MRPL18: variants seen among roughly 807,000 people sequenced by gnomAD.
MRPL18 encodes mitochondrial ribosomal protein L18, also known as large ribosomal subunit protein uL18m.
In MRPL18, 16 loss-of-function variants were observed where a neutral mutation model predicts 20.9. The observed-to-expected ratio is 0.76, with a 90% CI of 0.52 to 1.16. The LOEUF (loss-of-function observed/expected upper bound fraction) is 1.16. MRPL18 is among the 50% of genes most tolerant of loss of function. MRPL18 has a pLI of 0.00. For synonymous variants in MRPL18, 91 were observed against 87.1 expected (o/e 1.04, Z -0.25); for missense variants, 233 against 230.6 (o/e 1.01, Z -0.07).
intron 2 of MRPL18, 68 bp downstream of exon 2, chr6:159,791,194 C>G: frequency 6.4e-7 from 1 of 1,559,964 alleles, no homozygotes; most frequent in Non-Finnish European, 8.7e-7. Context: ...CATTCAACTC[C>G]AGGCACTCTC....
chr6:159,790,488 A>G lies in MRPL18; in HGVS notation c.-100A>G. The G allele has an allele frequency of 6.6e-7, 1 of 1,522,110 alleles. No individual in the cohort carries two copies. The highest frequency in any genetic ancestry group is 9.1e-7 in the Non-Finnish European group (1 of 1,102,860). The allele number at this position is 1,522,110 out of a possible 1,614,324, so 94.3% of individuals were successfully genotyped here. A position where few individuals can be genotyped will look rare whatever the true frequency, so the allele number is the denominator to read the frequency against. ...CGTGGAGAGTTTGGGGATCTACAGC[A>G]GCCAAAGGCTTGTCCCTGACTTTAT... On this transcript the variant is annotated 5_prime_UTR_variant, in exon 1 of 4. Coordinates refer to ENST00000367034, the MANE Select transcript of MRPL18 (RefSeq NM_014161.5).
intron 2 of MRPL18, among the ~76,000 whole-genome samples, chr6:159,793,911 CAAAA>C (rs200962587): frequency 7.6e-6 from 1 of 132,284 alleles, no homozygotes; most frequent in Non-Finnish European, 1.6e-5. Flanking sequence ...GACTCCGTCT[CAAAA>C]AAAAAAAAAG....
At chr6:159,792,770 T>C (rs61333171) in intron 2 of MRPL18, among the ~76,000 whole-genome samples, 6,171 of 152,280 alleles carry the variant, frequency 0.041, 198 homozygotes, top group African/African-American at 0.079. Context: ...CCTGAGTGGC[T>C]GGGACTAGAG....
intron 2 of MRPL18, among the ~76,000 whole-genome samples, chr6:159,793,816 A>G (rs1352493873): frequency 2.0e-5 from 3 of 152,050 alleles, no homozygotes; most frequent in East Asian, 3.9e-4. Flanking sequence ...GGAGGCTGAG[A>G]CAGGAGAGTG....
chr6:159,798,179 C>A lies in MRPL18; in HGVS notation c.*56C>A. On this transcript the variant is annotated 3_prime_UTR_variant, in exon 4 of 4. Coordinates refer to ENST00000367034, the MANE Select transcript of MRPL18 (RefSeq NM_014161.5). ...ATATAAATCTGTCAGCCACTACAGCCATCAAAAGAGAGCATCTGGAAGAAC... is the reference window on the plus strand; with the variant it reads ...ATATAAATCTGTCAGCCACTACAGCAATCAAAAGAGAGCATCTGGAAGAAC... 1 of 1,420,226 alleles carries A rather than the reference C, an allele frequency of 7.0e-7. No individual in the cohort carries two copies. Among genetic ancestry groups the A allele is most frequent in the Non-Finnish European group, 9.8e-7 (1 of 1,018,124 alleles). 88.0% of individuals were successfully genotyped at this position (1,420,226 alleles called of 1,614,324 possible).
In MRPL18 at chr6:159,795,070, A is replaced by G. The variant is rs568846188; in HGVS notation, c.240-2217A>G. Among the ~76,000 whole-genome samples, 9 of 152,348 alleles carry G rather than the reference A, an allele frequency of 5.9e-5. No individual in the cohort carries two copies. In the East Asian group the frequency reaches 1.3e-3, roughly 23 times the overall value. On this transcript the variant is annotated intron_variant, in intron 2 of 3. Transcript: ENST00000367034. ...GATATGCATACACATAAACATCTCA[A>G]TGCTTTACAAAGCAGTATTGCTGCC...
chr6:159,794,712 G>A (rs1259096014), intron 2 of MRPL18, among the ~76,000 whole-genome samples: 1 of 152,144 alleles, frequency 6.6e-6, no homozygotes, highest in African/African-American at 2.4e-5. Flanking sequence ...CAGTCTGTTT[G>A]GATAATGCTT....
Position 159,790,510 on chromosome 6 carries a change from T to G in MRPL18, c.-78T>G, listed in dbSNP as rs1470556823. ...AGCAGCCAAAGGCTTGTCCCTGACT[T>G]TATATGGCTGCTCCTGGCGAGCGAC... On this transcript the variant is annotated 5_prime_UTR_variant, in exon 1 of 4. Coordinates refer to ENST00000367034, the MANE Select transcript of MRPL18 (RefSeq NM_014161.5). The G allele has an allele frequency of 6.3e-7, 1 of 1,597,310 alleles. No homozygotes were observed. Among genetic ancestry groups the G allele is most frequent in the Non-Finnish European group, 8.6e-7 (1 of 1,167,488 alleles).
upstream of MRPL18, chr6:159,790,405 C>A: frequency 1.4e-6 from 1 of 700,946 alleles, no homozygotes; most frequent in Non-Finnish European, 2.4e-6. Context: ...GATAACAGAT[C>A]GCCTTCTCGG....
At chr6:159,793,500 T>C (rs1780956649) in intron 2 of MRPL18, among the ~76,000 whole-genome samples, 2 of 152,244 alleles carry the variant, frequency 1.3e-5, no homozygotes, top group Admixed American at 6.5e-5. Context: ...CTGGCTGTTC[T>C]AGCACTACAA....
chr6:159,798,086 G>C lies in MRPL18; in HGVS notation c.506G>C (p.Gly169Ala), dbSNP rs1468707982. 1.2e-6 allele frequency: 2 copies of C among 1,613,930 alleles called. No homozygotes were observed. The highest frequency in any genetic ancestry group is 1.7e-6 in the Non-Finnish European group (2 of 1,179,922). The part of the protein sequence containing the change: ...KRLQSAMTEG[G>A]VVLREPQRIY... ...CTACAAAGTGCCATGACAGAAGGTG[G>C]TGTGGTTCTACGGGAACCTCAGAGA... is the stretch of plus-strand genomic sequence containing the variant. Residue 169 changes from glycine to alanine, a missense_variant, in exon 4 of 4, where the codon GGT (glycine) becomes GCT (alanine). By Grantham distance (60) the Gly-to-Ala change is moderately conservative (BLOSUM62 0). Coordinates refer to ENST00000367034, the MANE Select transcript of MRPL18 (RefSeq NM_014161.5).
At chr6:159,792,361 GTAT>G (rs1190455267) in intron 2 of MRPL18, among the ~76,000 whole-genome samples, 8 of 152,254 alleles carry the variant, frequency 5.3e-5, no homozygotes, top group Non-Finnish European at 1.2e-4. Context: ...ACTGTGTGAT[GTAT>G]TATTTATTTA....
intron 1 of MRPL18, 93 bp from the exon 2 acceptor site, chr6:159,790,847 T>C (rs1780863494): frequency 2.0e-6 from 3 of 1,502,948 alleles, no homozygotes; most frequent in Non-Finnish European, 2.7e-6. Context: ...GCCTAAAGAT[T>C]GGGGGTGTAA....
rs1295332465 is a variant in MRPL18, at chr6:159,798,155, T to C, written c.*32T>C. 2.6e-6 allele frequency: 4 copies of C among 1,564,784 alleles called. No individual in the cohort carries two copies. On this transcript the variant is annotated 3_prime_UTR_variant, in exon 4 of 4. Coordinates refer to ENST00000367034, the MANE Select transcript of MRPL18 (RefSeq NM_014161.5). ...GCATTAATTGTTTTGAACATGTAAA[T>C]ATAAATCTGTCAGCCACTACAGCCA...
At chr6:159,795,145 TG>T (rs1297741343) in intron 2 of MRPL18, among the ~76,000 whole-genome samples, 1 of 152,246 alleles carries the variant, frequency 6.6e-6, no homozygotes, top group African/African-American at 2.4e-5. Context: ...ACTCAGTAGA[TG>T]GAACGTACAA....
rs1246213391 is a variant in MRPL18 at position 159,797,515 on chromosome 6, C to G, written c.468C>G (p.Asp156Glu). ...YQPTPWEAAS[D>E]SMKRLQSAMT... is the part of the protein sequence containing the mutation. Reference sequence around the variant, plus strand: ...CAACCCCGTGGGAGGCAGCCTCAGACTCGGTATTTTTGTTTTCATGTACTT... The same window carrying G: ...CAACCCCGTGGGAGGCAGCCTCAGAGTCGGTATTTTTGTTTTCATGTACTT... The change falls in exon 3 of 4, where the codon GAC (aspartate) becomes GAG (glutamate). Residue 156 changes from aspartate (D) to glutamate (E), a missense_variant. Transcript: ENST00000367034. 6.2e-7 allele frequency: 1 copy of G among 1,613,320 alleles called. No individual in the cohort carries two copies. The highest frequency in any genetic ancestry group is 2.2e-5 in the East Asian group (1 of 44,890).
chr6:159,791,007 A>G lies in MRPL18; in HGVS notation c.120A>G (p.Glu40=). ...PAAKPEVDPV[E]NEAVAPEFTN... The stretch of plus-strand genomic sequence containing the variant: ...CGAAACCTGAAGTGGACCCTGTGGA[A>G]AATGAAGCTGTCGCCCCAGAATTCA... Residue 40 remains glutamate (E), a synonymous_variant, in exon 2 of 4, where the codon GAA becomes GAG. Transcript: ENST00000367034. The G allele has an allele frequency of 1.2e-6, 2 of 1,614,200 alleles. No homozygotes were observed. Among genetic ancestry groups the G allele is most frequent in the Non-Finnish European group, 1.7e-6 (2 of 1,180,020 alleles).
chr6:159,791,214 T>G, intron 2 of MRPL18, 88 bp downstream of exon 2: 2 of 1,499,402 alleles, frequency 1.3e-6, no homozygotes. Context: ...CCCAGGTAGC[T>G]GCCATGCGGC....
intron 2 of MRPL18, among the ~76,000 whole-genome samples, chr6:159,794,402 T>A (rs1210284109): frequency 2.0e-5 from 3 of 152,194 alleles, no homozygotes; most frequent in East Asian, 1.9e-4. Context: ...TAAAAAAAAA[T>A]ATAGAAAAAA....
Sources: gnomAD v4.1 joint callset for allele counts (sites outside exome capture counted in the v4.1 genomes callset) on GRCh38, gnomAD v4.1.1 for gene constraint, MANE v1.5 for transcripts, NCBI Gene and HGNC (gene_info 2026-07-23, HGNC 2026-07-21) for gene names.